The following DPYD variants were observed in gnomAD, a reference collection of about 807,000 sequenced individuals.
The protein encoded by DPYD is dihydropyrimidine dehydrogenase.
DPYD carries 109 observed loss-of-function variants against 116.2 expected under a neutral mutation model. The observed-to-expected ratio is 0.94, with a 90% CI of 0.80 to 1.10. DPYD has a LOEUF of 1.10. Among genes scored for constraint, DPYD ranks in the 50% least tolerant of loss-of-function variants. DPYD has a pLI of 0.00. For synonymous variants in DPYD, 440 were observed against 432.0 expected, an observed-to-expected ratio of 1.02 and a Z score of -0.23; for missense variants, 1,302 against 1,254.5, an observed-to-expected ratio of 1.04 and a Z score of -0.57.
chr1:97,532,342 CTTTG>C (rs1649689727), intron 12 of DPYD, among the ~76,000 whole-genome samples: 1 of 151,988 alleles, frequency 6.6e-6, no homozygotes, highest in Non-Finnish European at 1.5e-5. Context: ...CTGTCATTTT[CTTTG>C]TTTGTGGTGT....
In DPYD at chr1:97,592,697, C is replaced by T. The variant is rs540197406; in HGVS notation, c.1128+521G>A. Among the ~76,000 whole-genome samples the T allele has an allele frequency of 1.2e-4, 19 of 152,304 alleles. 1 individual carries two copies. Among genetic ancestry groups the T allele is most frequent in the Admixed American group, 1.2e-3 (18 of 15,296 alleles). On this transcript the variant is annotated intron_variant, in intron 10 of 22. Transcript: ENST00000370192. ...TTATTTTTAGTATGCTAACTAACTACTAATTTTGAGTAGTGCTTATATTAG... is the reference window on the plus strand; with the variant it reads ...TTATTTTTAGTATGCTAACTAACTATTAATTTTGAGTAGTGCTTATATTAG...
intron 13 of DPYD, among the ~76,000 whole-genome samples, chr1:97,505,340 C>A (rs1447914268): frequency 2.0e-5 from 3 of 152,076 alleles, no homozygotes; most frequent in Non-Finnish European, 4.4e-5. Flanking sequence ...TATAACATTT[C>A]ATGAGACATT....
intron 13 of DPYD, among the ~76,000 whole-genome samples, chr1:97,508,091 A>G (rs919087439): frequency 2.0e-5 from 3 of 152,010 alleles, no homozygotes; most frequent in African/African-American, 7.2e-5. Context: ...AAGAAAGACA[A>G]TATCTCTCTA....
chr1:97,369,320 T>A (rs1334388705), intron 16 of DPYD, among the ~76,000 whole-genome samples: 1 of 152,154 alleles, frequency 6.6e-6, no homozygotes, highest in East Asian at 1.9e-4. Flanking sequence ...AAGTAGTGGA[T>A]TCAGGTTTGC....
At chr1:97,329,688 G>C (rs546470201) in intron 16 of DPYD, among the ~76,000 whole-genome samples, 2 of 150,546 alleles carry the variant, frequency 1.3e-5, no homozygotes, top group South Asian at 2.1e-4. Context: ...AGGAGGTGGA[G>C]GTTACAGTGA....
chr1:97,917,008 T>C lies in DPYD; in HGVS notation c.39+3876A>G, dbSNP rs147666265. Among the ~76,000 whole-genome samples, 932 of 152,268 alleles carry C rather than the reference T, an allele frequency of 6.1e-3. 8 individuals are homozygous for C. Among genetic ancestry groups the C allele is most frequent in the African/African-American group, 0.021 (881 of 41,546 alleles). ...AACTCCTTAGAAAGGAGAAACACTT[T>C]AAAGTAAAACTATGGCCCACAAAAC... is the stretch of plus-strand genomic sequence containing the variant. On this transcript the variant is annotated intron_variant, in intron 1 of 22. Coordinates refer to ENST00000370192, the MANE Select transcript of DPYD (RefSeq NM_000110.4).
Position 97,668,518 on chromosome 1 carries a change from A to T in DPYD, c.850+10577T>A, listed in dbSNP as rs572524726. 5.9e-5 allele frequency among the ~76,000 whole-genome samples: 9 copies of T among 152,242 alleles called. No homozygotes were observed. The South Asian group carries it at 1.9e-3, about 32-fold the overall frequency. ...TTAAAATGCATTAATTACTTTTCTA[A>T]ATATATAATAACCTCTTTAATTTTT... On this transcript the variant is annotated intron_variant, in intron 8 of 22. Transcript: ENST00000370192.
At chr1:97,406,282 T>C (rs1047578359) in intron 14 of DPYD, among the ~76,000 whole-genome samples, 6 of 57,128 alleles carry the variant, frequency 1.1e-4, no homozygotes, top group Non-Finnish European at 3.9e-4. Context: ...TTAGCTTTTT[T>C]TTTTTTTAAA....
intron 8 of DPYD, among the ~76,000 whole-genome samples, chr1:97,602,628 T>C (rs1207011337): frequency 6.6e-6 from 1 of 151,970 alleles, no homozygotes; most frequent in Admixed American, 6.6e-5. Flanking sequence ...TAGATTTTAT[T>C]TTGTTTAACA....
At chr1:97,627,378 A>G (rs909896453) in intron 8 of DPYD, among the ~76,000 whole-genome samples, 2 of 152,202 alleles carry the variant, frequency 1.3e-5, no homozygotes, top group South Asian at 4.1e-4. Context: ...AAAGTTTTCA[A>G]TTATCTCTTC....
At chr1:97,570,019 T>C (rs924335787) in intron 11 of DPYD, among the ~76,000 whole-genome samples, 5 of 152,010 alleles carry the variant, frequency 3.3e-5, no homozygotes, top group Admixed American at 1.3e-4. Flanking sequence ...ATAAATGATA[T>C]ACTTATCTTT....
chr1:97,375,137 C>T (rs960597180), intron 15 of DPYD, among the ~76,000 whole-genome samples: 3 of 151,852 alleles, frequency 2.0e-5, no homozygotes, highest in Non-Finnish European at 4.4e-5. Flanking sequence ...TTTTCCAGTG[C>T]CGCGGTTTAT....
At chr1:97,545,106 G>C (rs1197659311) in intron 12 of DPYD, among the ~76,000 whole-genome samples, 2 of 152,046 alleles carry the variant, frequency 1.3e-5, no homozygotes, top group Non-Finnish European at 2.9e-5. Flanking sequence ...CAGTTATATA[G>C]AAAAGAGAGA....
chr1:97,676,375 T>C (rs999751102), intron 8 of DPYD, among the ~76,000 whole-genome samples: 4 of 152,122 alleles, frequency 2.6e-5, no homozygotes, highest in Admixed American at 2.6e-4. Flanking sequence ...CTCATAAATA[T>C]AAGACTGAAG....
At chr1:97,565,192 C>G (rs1182101267) in intron 11 of DPYD, among the ~76,000 whole-genome samples, 1 of 151,982 alleles carries the variant, frequency 6.6e-6, no homozygotes, top group African/African-American at 2.4e-5. Context: ...ATTCAGGTCA[C>G]CAAATGTTAG....
At chr1:97,142,864 T>A (rs1247473802) in intron 20 of DPYD, among the ~76,000 whole-genome samples, 1 of 152,132 alleles carries the variant, frequency 6.6e-6, no homozygotes, top group Non-Finnish European at 1.5e-5. Context: ...AAATATTTGA[T>A]CAATAATTCT....
intron 18 of DPYD, among the ~76,000 whole-genome samples, chr1:97,274,227 T>A (rs1664778742): frequency 6.6e-6 from 1 of 152,132 alleles, no homozygotes; most frequent in Non-Finnish European, 1.5e-5. Flanking sequence ...TGAAATGTAA[T>A]CCCCGCTGTC....
intron 19 of DPYD, among the ~76,000 whole-genome samples, chr1:97,217,137 G>A (rs1204386154): frequency 6.6e-6 from 1 of 152,134 alleles, no homozygotes; most frequent in Non-Finnish European, 1.5e-5. Flanking sequence ...GAACACGGGA[G>A]GCGGAGGTTG....
At chr1:97,630,952 T>C (rs1571091892) in intron 8 of DPYD, among the ~76,000 whole-genome samples, 1 of 152,104 alleles carries the variant, frequency 6.6e-6, no homozygotes, top group East Asian at 1.9e-4. Flanking sequence ...CTCAAAAGGA[T>C]ACTAATACTC....
Sources: allele counts gnomAD v4.1 joint callset (sites outside exome capture counted in the v4.1 genomes callset), GRCh38; gene constraint gnomAD v4.1.1; transcripts MANE v1.5; gene names NCBI Gene and HGNC (gene_info 2026-07-23, HGNC 2026-07-21).